The following MRPS25 variants were observed in gnomAD, a reference collection of about 807,000 sequenced individuals.
The protein encoded by MRPS25 is mitochondrial ribosomal protein S25.
Under a neutral mutation model 17.3 loss-of-function variants are expected in MRPS25, and 15 were observed. The observed-to-expected ratio is 0.87, with a 90% CI of 0.58 to 1.34. The LOEUF (loss-of-function observed/expected upper bound fraction) is 1.34. MRPS25 is among the 40% of genes most tolerant of loss of function. The pLI, the probability that MRPS25 is intolerant of heterozygous loss-of-function variation, is 0.00. For missense variants in MRPS25, 225 were observed against 218.6 expected, an observed-to-expected ratio of 1.03 and a Z score of -0.19; for synonymous variants, 94 against 83.3, an observed-to-expected ratio of 1.13 and a Z score of -0.70.
rs145943452 is a variant in MRPS25 at position 15,052,283 on chromosome 3, C to G, written c.*158G>C. ...CAGCTCAGCTTCAGACCCTCCTCTCCCACATCCTTTTACACAGGTGTGTAA... is the reference window on the plus strand; with the variant it reads ...CAGCTCAGCTTCAGACCCTCCTCTCGCACATCCTTTTACACAGGTGTGTAA... On this transcript the variant is annotated 3_prime_UTR_variant, in exon 4 of 4. Coordinates refer to ENST00000253686, the MANE Select transcript of MRPS25 (RefSeq NM_022497.5). 5 of 1,404,196 alleles carry G rather than the reference C, an allele frequency of 3.6e-6. No homozygotes were observed. Among genetic ancestry groups the G allele is most frequent in the Admixed American group, 3.0e-5 (1 of 33,760 alleles). 87.0% of individuals were successfully genotyped at this position (1,404,196 alleles called of 1,614,324 possible). A position where few individuals can be genotyped will look rare whatever the true frequency, so the allele number is the denominator to read the frequency against.
Position 15,052,051 on chromosome 3 carries a change from A to G in MRPS25, c.*390T>C, listed in dbSNP as rs1575066250. 9.9e-7 allele frequency: 1 copy of G among 1,007,030 alleles called. No homozygotes were observed. 62.4% of individuals were successfully genotyped at this position (1,007,030 alleles called of 1,614,324 possible). A position where few individuals can be genotyped will look rare whatever the true frequency, so the allele number is the denominator to read the frequency against. On this transcript the variant is annotated 3_prime_UTR_variant, in exon 4 of 4. Transcript: ENST00000253686. Reference sequence around the variant, plus strand: ...AACCACAGCAGCCCTTATGTTCTCCAGAGTAGAGCCCAGAGGAAGATTCAA... The same window carrying G: ...AACCACAGCAGCCCTTATGTTCTCCGGAGTAGAGCCCAGAGGAAGATTCAA...
Position 15,048,793 on chromosome 3 carries a change from A to G in MRPS25, c.*3648T>C, listed in dbSNP as rs547507611. On this transcript the variant is annotated 3_prime_UTR_variant, in exon 4 of 4. Coordinates refer to ENST00000253686, the MANE Select transcript of MRPS25 (RefSeq NM_022497.5). ...AAAAGCTGCACATTTTTCACAGTAC[A>G]AGCCGTAGTTTTTACCTGTAGTTTG... 1 of 152,768 alleles carries G rather than the reference A, an allele frequency of 6.5e-6. No homozygotes were observed. Among genetic ancestry groups the G allele is most frequent in the East Asian group, 1.9e-4 (1 of 5,184 alleles). 9.5% of individuals were successfully genotyped at this position (152,768 alleles called of 1,614,324 possible).
rs998100543 is a variant in MRPS25 at position 15,051,559 on chromosome 3, C to T, written c.*882G>A. 4.1e-6 allele frequency: 4 copies of T among 985,298 alleles called. No individual in the cohort carries two copies. The highest frequency in any genetic ancestry group is 3.5e-5 in the African/African-American group (2 of 57,216). The allele number at this position is 985,298 out of a possible 1,614,324, so 61.0% of individuals were successfully genotyped here. On this transcript the variant is annotated 3_prime_UTR_variant, in exon 4 of 4. Coordinates refer to ENST00000253686, the MANE Select transcript of MRPS25 (RefSeq NM_022497.5). ...GGCTGAAACCTCCACTTTAGCATAA[C>T]TAAAGTGACAGTAACATCAGTGTCC...
Position 15,049,667 on chromosome 3 carries a change from A to T in MRPS25, c.*2774T>A, listed in dbSNP as rs558075435. Reference sequence around the variant, plus strand: ...CTATCAAGGGCAAAAACAAGCTCCAAAAGTTTCAGAAGTTAGAACATATTC... The same window carrying T: ...CTATCAAGGGCAAAAACAAGCTCCATAAGTTTCAGAAGTTAGAACATATTC... On this transcript the variant is annotated 3_prime_UTR_variant, in exon 4 of 4. Coordinates refer to ENST00000253686, the MANE Select transcript of MRPS25 (RefSeq NM_022497.5). 2 of 538,168 alleles carry T rather than the reference A, an allele frequency of 3.7e-6. No homozygotes were observed. The highest frequency in any genetic ancestry group is 6.4e-6 in the Non-Finnish European group (2 of 310,828). The allele number at this position is 538,168 out of a possible 1,614,324, so 33.3% of individuals were successfully genotyped here.
chr3:15,051,609 C>T lies in MRPS25; in HGVS notation c.*832G>A. On this transcript the variant is annotated 3_prime_UTR_variant, in exon 4 of 4. Transcript: ENST00000253686. ...CTATGAGGAAAGAACAAGGAAGGTG[C>T]TCAGTAATGCAGCACTCCCTCCTCC... 1 of 985,500 alleles carries T rather than the reference C, an allele frequency of 1.0e-6. No homozygotes were observed. Among genetic ancestry groups the T allele is most frequent in the South Asian group, 4.7e-5 (1 of 21,290 alleles). 61.0% of individuals were successfully genotyped at this position (985,500 alleles called of 1,614,324 possible). A position where few individuals can be genotyped will look rare whatever the true frequency, so the allele number is the denominator to read the frequency against.
intron 2 of MRPS25, among the ~76,000 whole-genome samples, chr3:15,054,023 G>C (rs529360522): frequency 6.6e-6 from 1 of 152,318 alleles, no homozygotes; most frequent in Non-Finnish European, 1.5e-5. Flanking sequence ...TTGGGAGGCT[G>C]AGGCAGGTGG....
chr3:15,051,362 T>G lies in MRPS25; in HGVS notation c.*1079A>C. 1.7e-6 allele frequency: 1 copy of G among 575,076 alleles called. No individual in the cohort carries two copies. Among genetic ancestry groups the G allele is most frequent in the Non-Finnish European group, 2.2e-6 (1 of 455,168 alleles). The allele number at this position is 575,076 out of a possible 1,614,324, so 35.6% of individuals were successfully genotyped here. A position where few individuals can be genotyped will look rare whatever the true frequency, so the allele number is the denominator to read the frequency against. On this transcript the variant is annotated 3_prime_UTR_variant, in exon 4 of 4. Transcript: ENST00000253686. ...CCACACCCATCTAATTTTTGTACTT[T>G]TTGTAGAGACAAGGTCTTGCCATGT...
Position 15,050,275 on chromosome 3 carries a change from G to A in MRPS25, c.*2166C>T. 9.0e-7 allele frequency: 1 copy of A among 1,116,914 alleles called. No individual in the cohort carries two copies. The highest frequency in any genetic ancestry group is 2.1e-5 in the South Asian group (1 of 47,168). 69.2% of individuals were successfully genotyped at this position (1,116,914 alleles called of 1,614,324 possible). A position where few individuals can be genotyped will look rare whatever the true frequency, so the allele number is the denominator to read the frequency against. On this transcript the variant is annotated 3_prime_UTR_variant, in exon 4 of 4. Coordinates refer to ENST00000253686, the MANE Select transcript of MRPS25 (RefSeq NM_022497.5). ...TCTCCACACGTCCTTTCAGGGTCTGGGCTGTCCACCTCACTGCCCATTGCT... is the reference window on the plus strand; with the variant it reads ...TCTCCACACGTCCTTTCAGGGTCTGAGCTGTCCACCTCACTGCCCATTGCT...
chr3:15,054,404 A>C (rs187528639), intron 2 of MRPS25, among the ~76,000 whole-genome samples: 1 of 152,284 alleles, frequency 6.6e-6, no homozygotes. Context: ...ACTTTTACCC[A>C]CAACATTAAA....
rs761276535 is a variant in MRPS25 at position 15,049,636 on chromosome 3, T to C, written c.*2805A>G. 1.9e-6 allele frequency: 1 copy of C among 520,980 alleles called. No homozygotes were observed. Among genetic ancestry groups the C allele is most frequent in the African/African-American group, 2.0e-5 (1 of 49,730 alleles). The allele number at this position is 520,980 out of a possible 1,614,324, so 32.3% of individuals were successfully genotyped here. The stretch of plus-strand genomic sequence containing the variant: ...AATTGGCAAGCTTATTCTCTAAGGA[T>C]ACGTGCTATCAAGGGCAAAAACAAG... On this transcript the variant is annotated 3_prime_UTR_variant, in exon 4 of 4. Coordinates refer to ENST00000253686, the MANE Select transcript of MRPS25 (RefSeq NM_022497.5).
At chr3:15,062,029 C>T (rs1207679190) in intron 1 of MRPS25, among the ~76,000 whole-genome samples, 2 of 150,320 alleles carry the variant, frequency 1.3e-5, no homozygotes, top group African/African-American at 4.9e-5. Flanking sequence ...GCAGCCGCCC[C>T]GTCCGGGAGG....
At chr3:15,052,695 T>A (rs1575066675) in intron 3 of MRPS25, 62 bp from the exon 4 acceptor site, 1 of 1,553,556 alleles carries the variant, frequency 6.4e-7, no homozygotes, top group East Asian at 2.3e-5. Context: ...CACAGGGCAG[T>A]TTCTCAGCCG....
intron 1 of MRPS25, among the ~76,000 whole-genome samples, chr3:15,064,184 C>T (rs886447867): frequency 6.6e-6 from 1 of 152,192 alleles, no homozygotes; most frequent in Non-Finnish European, 1.5e-5. Context: ...GCTGCCTCCT[C>T]CATCACTGCT....
chr3:15,044,957 A>G (rs373461734), downstream of MRPS25: 1 of 152,226 alleles, frequency 6.6e-6, no homozygotes, highest in South Asian at 2.1e-4. Flanking sequence ...CTTGGCAGCA[A>G]ATTTTGGAGA....
Position 15,065,242 on chromosome 3 carries a change from C to A in MRPS25, c.-48G>T. On this transcript the variant is annotated 5_prime_UTR_variant, in exon 1 of 4. Coordinates refer to ENST00000253686, the MANE Select transcript of MRPS25 (RefSeq NM_022497.5). Reference sequence around the variant, plus strand: ...ACCCCACGGGCCGCGAGCCGAGCAGCGACGAGAAAGGACTAGCTAGCACCC... The same window carrying A: ...ACCCCACGGGCCGCGAGCCGAGCAGAGACGAGAAAGGACTAGCTAGCACCC... 1 of 1,544,848 alleles carries A rather than the reference C, an allele frequency of 6.5e-7. No homozygotes were observed. Among genetic ancestry groups the A allele is most frequent in the Non-Finnish European group, 8.7e-7 (1 of 1,146,718 alleles).
At chr3:15,062,966 T>C (rs906201602) in intron 1 of MRPS25, among the ~76,000 whole-genome samples, 1 of 151,864 alleles carries the variant, frequency 6.6e-6, no homozygotes, top group Non-Finnish European at 1.5e-5. Context: ...TTCACTTGTT[T>C]ATCTGCTGAC....
rs1214127104 is a variant in MRPS25 at position 15,049,961 on chromosome 3, T to G, written c.*2480A>C. On this transcript the variant is annotated 3_prime_UTR_variant, in exon 4 of 4. Coordinates refer to ENST00000253686, the MANE Select transcript of MRPS25 (RefSeq NM_022497.5). ...CTCAAAGAGAAGAAAAGTGGTCACT[T>G]CAGAATAAGGCTGTGAACACTGCTT... The G allele has an allele frequency of 6.6e-7, 1 of 1,523,888 alleles. No individual in the cohort carries two copies. Among genetic ancestry groups the G allele is most frequent in the East Asian group, 2.5e-5 (1 of 40,352 alleles). 94.4% of individuals were successfully genotyped at this position (1,523,888 alleles called of 1,614,324 possible).
Position 15,065,074 on chromosome 3 carries a change from C to A in MRPS25, c.121G>T (p.Gly41Cys). 1 of 1,597,114 alleles carries A rather than the reference C, an allele frequency of 6.3e-7. No homozygotes were observed. Among genetic ancestry groups the A allele is most frequent in the Non-Finnish European group, 8.5e-7 (1 of 1,173,466 alleles). Residue 41 changes from glycine to cysteine, a missense_variant, in exon 1 of 4, where the codon GGC becomes TGC. Physicochemically the swap from Gly to Cys is radical, Grantham distance 159. Transcript: ENST00000253686. ...GCTGCGACTGACCTGGCGCCCTCGC[C>A]CAGCTCCCCATGCGTGTTGTAATTC... ...TVNYNTHGELGEGARKFVFFN... is the reference protein window; with the variant it reads ...TVNYNTHGELCEGARKFVFFN...
chr3:15,060,883 AAAAT>A (rs71045131), intron 1 of MRPS25, among the ~76,000 whole-genome samples: 1 of 151,354 alleles, frequency 6.6e-6, no homozygotes. Flanking sequence ...TCCATCTCAA[AAAAT>A]AAATAAATAA....
Sources: gnomAD v4.1 joint callset for allele counts (sites outside exome capture counted in the v4.1 genomes callset) on GRCh38, gnomAD v4.1.1 for gene constraint, MANE v1.5 for transcripts, NCBI Gene and HGNC (gene_info 2026-07-23, HGNC 2026-07-21) for gene names.